Variants in MYBL1 observed in about 807,000 individuals in gnomAD.
MYBL1 encodes the protein myb-related protein A.
In MYBL1, 17 loss-of-function variants were observed where a neutral mutation model predicts 96.3. The observed-to-expected ratio is 0.18, with a 90% CI of 0.12 to 0.26. The LOEUF (loss-of-function observed/expected upper bound fraction) is 0.26, where lower values mean the gene tolerates loss of function less well. MYBL1 is among the 10% of genes least tolerant of loss of function. MYBL1 has a pLI of 1.00. For synonymous variants in MYBL1, 282 were observed against 292.7 expected (o/e 0.96, Z 0.37); for missense variants, 701 against 882.9 (o/e 0.79, Z 2.61).
intron 15 of MYBL1, 36 bp downstream of exon 15, chr8:66,566,028 A>G: frequency 7.1e-7 from 1 of 1,399,274 alleles, no homozygotes; most frequent in Non-Finnish European, 9.5e-7. Flanking sequence ...GACTAAACAA[A>G]AACAAAAATC....
intron 9 of MYBL1, 57 bp downstream of exon 9, chr8:66,580,076 G>T: frequency 1.6e-6 from 2 of 1,277,280 alleles, no homozygotes; most frequent in Non-Finnish European, 1.1e-6. Context: ...GAGTTTCTGA[G>T]CATGAAATCA....
At position 66,601,107 on chromosome 8, in the gene MYBL1, G is replaced by A. The variant is rs7009801; in HGVS notation, c.198+591C>T. ...CAGGAGAATCGCTTGAATCTGGGAGGCGGAGGTTGCAGTGAGCCGAGATCG... is the reference window on the plus strand; with the variant it reads ...CAGGAGAATCGCTTGAATCTGGGAGACGGAGGTTGCAGTGAGCCGAGATCG... On this transcript the variant is annotated intron_variant, in intron 3 of 15. Coordinates refer to ENST00000522677, the MANE Select transcript of MYBL1 (RefSeq NM_001080416.4). Among the ~76,000 whole-genome samples the A allele has an allele frequency of 2.9e-4, 43 of 150,116 alleles. 1 individual carries two copies. The highest frequency in any genetic ancestry group is 1.0e-3 in the African/African-American group (42 of 40,714).
chr8:66,601,648 C>A, intron 3 of MYBL1, 50 bp downstream of exon 3: 2 of 1,040,730 alleles, frequency 1.9e-6, no homozygotes, highest in South Asian at 1.5e-5. Flanking sequence ...AAATTTAACC[C>A]AATGCCTTAA....
chr8:66,602,699 C>CCATATATATATATATATA (rs1452761744), intron 1 of MYBL1, among the ~76,000 whole-genome samples, 176 bp from the exon 2 acceptor site: 1 of 27,264 alleles, frequency 3.7e-5, no homozygotes, highest in African/African-American at 1.5e-4. Flanking sequence ...TGGGGTGGAG[C>CCATATATATATATATATA]TATATATATA....
intron 1 of MYBL1, among the ~76,000 whole-genome samples, chr8:66,603,615 C>T (rs895051894): frequency 2.6e-5 from 4 of 151,970 alleles, no homozygotes; most frequent in South Asian, 2.1e-4. Context: ...CTCAGTCTCC[C>T]GAGTAGCTGG....
intron 14 of MYBL1, among the ~76,000 whole-genome samples, chr8:66,566,445 C>T (rs977046900): frequency 1.3e-5 from 2 of 151,822 alleles, no homozygotes; most frequent in Admixed American, 6.6e-5. Flanking sequence ...TTGAGAACTA[C>T]GATTTTTTGA....
rs184694018 is a variant in MYBL1, at chr8:66,609,425, G to A, written c.20+3394C>T. On this transcript the variant is annotated intron_variant, in intron 1 of 15. Transcript: ENST00000522677. ...ACTCAAGTCCGAAATCTTTATCACA[G>A]ACAAAAAAAAAATCTTTATTATACA... Among the ~76,000 whole-genome samples, 676 of 150,504 alleles carry A rather than the reference G, an allele frequency of 4.5e-3. 3 individuals carry two copies. The highest frequency in any genetic ancestry group is 0.028 in the Middle Eastern group (8 of 284).
At chr8:66,588,911 T>C (rs1809524919) in intron 8 of MYBL1, among the ~76,000 whole-genome samples, 1 of 152,118 alleles carries the variant, frequency 6.6e-6, no homozygotes, top group Non-Finnish European at 1.5e-5. Flanking sequence ...TCTCAGCTAC[T>C]CAGGAGGCTG....
intron 1 of MYBL1, among the ~76,000 whole-genome samples, chr8:66,602,943 C>T (rs1182973998): frequency 6.6e-6 from 1 of 151,038 alleles, no homozygotes; most frequent in Non-Finnish European, 1.5e-5. Context: ...GGCAGGGTTT[C>T]ACCGTGTTAA....
At chr8:66,591,864 T>C (rs1370049492) in intron 8 of MYBL1, among the ~76,000 whole-genome samples, 3 of 152,058 alleles carry the variant, frequency 2.0e-5, no homozygotes, top group African/African-American at 7.2e-5. Context: ...TATATATATA[T>C]ACACACATAT....
At chr8:66,609,713 G>A (rs1355456774) in intron 1 of MYBL1, among the ~76,000 whole-genome samples, 1 of 151,850 alleles carries the variant, frequency 6.6e-6, no homozygotes, top group Non-Finnish European at 1.5e-5. Context: ...TATTTCATTA[G>A]TATGTATATA....
chr8:66,604,681 G>GATA (rs1810242145), intron 1 of MYBL1, among the ~76,000 whole-genome samples: 1 of 152,110 alleles, frequency 6.6e-6, no homozygotes, highest in South Asian at 2.1e-4. Flanking sequence ...ATCTGGAAGT[G>GATA]ATAAAATAGA....
chr8:66,568,501 T>C (rs978576504), intron 12 of MYBL1, among the ~76,000 whole-genome samples: 1 of 151,362 alleles, frequency 6.6e-6, no homozygotes, highest in African/African-American at 2.4e-5. Context: ...GGTTTCACCA[T>C]GTTGGCCAAG....
chr8:66,571,420 T>C (rs1563527278), intron 12 of MYBL1, among the ~76,000 whole-genome samples: 2 of 152,204 alleles, frequency 1.3e-5, no homozygotes, highest in South Asian at 2.1e-4. Context: ...CTCCTTTGCA[T>C]AGAAAAGGAA....
intron 12 of MYBL1, among the ~76,000 whole-genome samples, chr8:66,569,389 A>T (rs1808642335): frequency 6.9e-6 from 1 of 145,430 alleles, no homozygotes. Context: ...TCACTCTGTC[A>T]CCCAGGCTAG....
intron 8 of MYBL1, among the ~76,000 whole-genome samples, chr8:66,581,826 T>C (rs892606401): frequency 6.6e-6 from 1 of 151,578 alleles, no homozygotes; most frequent in Non-Finnish European, 1.5e-5. Context: ...AAAAGAAAAA[T>C]GCCTGCCAAG....
intron 1 of MYBL1, among the ~76,000 whole-genome samples, chr8:66,605,877 A>G (rs145153669): frequency 9.2e-5 from 14 of 152,332 alleles, no homozygotes; most frequent in Middle Eastern, 3.4e-3. Context: ...GAATAAAGTC[A>G]TGGCATCTGA....
chr8:66,590,286 C>T (rs1269401582), intron 8 of MYBL1, among the ~76,000 whole-genome samples: 1 of 152,006 alleles, frequency 6.6e-6, no homozygotes, highest in African/African-American at 2.4e-5. Context: ...TCCTCTCATT[C>T]AGTCCCAAAC....
In MYBL1 at chr8:66,573,281, G is replaced by C. The variant is rs1230148061; in HGVS notation, c.1613+83C>G. The C allele has an allele frequency of 5.6e-6, 7 of 1,242,628 alleles. No individual in the cohort carries two copies. In the African/African-American group the frequency reaches 9.2e-5, roughly 16 times the overall value. 77.0% of individuals were successfully genotyped at this position (1,242,628 alleles called of 1,614,324 possible). On this transcript the variant is annotated intron_variant, in intron 11 of 15. Transcript: ENST00000522677. ...TGTAGGAATAGGAATTATGATACTT[G>C]CTATTTATATGCACAAAAAGCTAAT...
Sources: gnomAD v4.1 joint callset for allele counts (sites outside exome capture counted in the v4.1 genomes callset) on GRCh38, gnomAD v4.1.1 for gene constraint, MANE v1.5 for transcripts, NCBI Gene and HGNC (gene_info 2026-07-23, HGNC 2026-07-21) for gene names.